The following MORC1 variants were observed in gnomAD, a reference collection of about 807,000 sequenced individuals.
MORC1 encodes the protein MORC family CW-type zinc finger protein 1.
In MORC1, 59 loss-of-function variants were observed where a neutral mutation model predicts 134.9. The observed-to-expected ratio is 0.44, with a 90% CI of 0.35 to 0.54. The LOEUF is 0.54. Ranked by LOEUF, MORC1 falls within the 20% of genes least tolerant of loss-of-function variation. The pLI, the probability that MORC1 is intolerant of heterozygous loss-of-function variation, is 0.00. For missense variants in MORC1, 947 were observed against 1,134.5 expected, an observed-to-expected ratio of 0.83 and a Z score of 2.37; for synonymous variants, 395 against 391.7, an observed-to-expected ratio of 1.01 and a Z score of -0.10.
Position 109,069,677 on chromosome 3 carries a change from T to G in MORC1, c.770A>C (p.Lys257Thr). 1 of 1,612,880 alleles carries G rather than the reference T, an allele frequency of 6.2e-7. No individual in the cohort carries two copies. ...GCAAAGATGTTTAGTTTTAACTCTC[T>G]TGGCTTGAATGAATATTCTCATCCA... ...NPWMRIFIQA[K>T]RVKTKHLCYC... Residue 257 changes from lysine (K) to threonine (T), a missense_variant, in exon 9 of 28, where the codon AAG becomes ACG. Around this residue, in one of 3 missense-constraint regions of MORC1, gnomAD observed 11 missense variants for 36.2 expected, o/e 0.30. Coordinates refer to ENST00000232603, the MANE Select transcript of MORC1 (RefSeq NM_014429.4).
intron 13 of MORC1, among the ~76,000 whole-genome samples, chr3:109,055,104 A>G (rs1036275728): frequency 5.3e-5 from 8 of 152,192 alleles, no homozygotes; most frequent in Non-Finnish European, 8.8e-5. Context: ...GCACAATGTT[A>G]CAGAGTTAAT....
chr3:109,050,127 G>A (rs1949787045), intron 14 of MORC1, among the ~76,000 whole-genome samples: 1 of 152,100 alleles, frequency 6.6e-6, no homozygotes, highest in Non-Finnish European at 1.5e-5. Flanking sequence ...ACTTCCTCAG[G>A]GAGGCCTTCC....
chr3:108,978,058 T>C lies in MORC1; in HGVS notation c.2477+1457A>G, dbSNP rs968821843. Among the ~76,000 whole-genome samples, 5 of 152,266 alleles carry C rather than the reference T, an allele frequency of 3.3e-5. No homozygotes were observed. The East Asian group carries it at 9.7e-4, about 30-fold the overall frequency. ...CTGACTGGCTAATTTTTTGTATTTT[T>C]AGTAGAGATGGGGTTTCACCGTGTT... On this transcript the variant is annotated intron_variant, in intron 24 of 27. Coordinates refer to ENST00000232603, the MANE Select transcript of MORC1 (RefSeq NM_014429.4).
At chr3:109,004,768 C>G (rs571582466) in intron 20 of MORC1, 49 bp downstream of exon 20, 1 of 1,525,152 alleles carries the variant, frequency 6.6e-7, no homozygotes, top group African/African-American at 1.4e-5. Flanking sequence ...AAGGTTTATC[C>G]TATATGAATA....
chr3:109,059,786 CA>C lies in MORC1; in HGVS notation c.1031+19del. ...ACAGAGTACAGAGGATTCCTGCAAA[CA>C]GAAAACCTTGTGTCTTACCTTTGTT... On this transcript the variant is annotated intron_variant, in intron 12 of 27. Coordinates refer to ENST00000232603, the MANE Select transcript of MORC1 (RefSeq NM_014429.4). The C allele has an allele frequency of 1.2e-6, 2 of 1,605,750 alleles. No homozygotes were observed. The highest frequency in any genetic ancestry group is 1.7e-6 in the Non-Finnish European group (2 of 1,174,994).
chr3:109,108,658 G>C (rs143726774), intron 3 of MORC1, among the ~76,000 whole-genome samples: 1 of 152,122 alleles, frequency 6.6e-6, no homozygotes, highest in Non-Finnish European at 1.5e-5. Flanking sequence ...AGCACTTTGC[G>C]AGGCCGAGGC....
At chr3:109,062,350 T>A (rs1950102343) in intron 10 of MORC1, among the ~76,000 whole-genome samples, 1 of 152,096 alleles carries the variant, frequency 6.6e-6, no homozygotes, top group African/African-American at 2.4e-5. Flanking sequence ...ATAGAGCTAC[T>A]ACTCACTCCC....
intron 17 of MORC1, among the ~76,000 whole-genome samples, chr3:109,021,956 G>A (rs1419657910): frequency 6.6e-6 from 1 of 152,186 alleles, no homozygotes; most frequent in African/African-American, 2.4e-5. Flanking sequence ...AAGGCAATTT[G>A]TTTAATGTCT....
chr3:109,037,040 A>G (rs553381647), intron 14 of MORC1, among the ~76,000 whole-genome samples: 1 of 152,340 alleles, frequency 6.6e-6, no homozygotes, highest in African/African-American at 2.4e-5. Flanking sequence ...ACCCTTGACC[A>G]TAAAACCTGG....
chr3:108,993,317 A>C (rs1015740814), intron 21 of MORC1, among the ~76,000 whole-genome samples: 1 of 152,202 alleles, frequency 6.6e-6, no homozygotes, highest in Non-Finnish European at 1.5e-5. Context: ...AGACTTTAGC[A>C]CTTGAATATT....
At chr3:109,055,436 G>A (rs1393295286) in intron 13 of MORC1, among the ~76,000 whole-genome samples, 2 of 152,156 alleles carry the variant, frequency 1.3e-5, no homozygotes, top group Admixed American at 6.5e-5. Context: ...TAAGCCTTTA[G>A]GGCTCCCCAC....
At chr3:108,962,976 C>T (rs972807624) in intron 27 of MORC1, among the ~76,000 whole-genome samples, 2 of 152,052 alleles carry the variant, frequency 1.3e-5, no homozygotes, top group African/African-American at 4.8e-5. Context: ...CTACTGGTCA[C>T]ATGTTATTAA....
chr3:109,063,141 T>C lies in MORC1; in HGVS notation c.895+11A>G. On this transcript the variant is annotated intron_variant, in intron 10 of 27. Transcript: ENST00000232603. Reference sequence around the variant, plus strand: ...GAACAACAATGATGTAGGCTACAGGTAATCGCATACCAATCTTTACTGCTT... The same window carrying C: ...GAACAACAATGATGTAGGCTACAGGCAATCGCATACCAATCTTTACTGCTT... The C allele has an allele frequency of 6.4e-7, 1 of 1,570,262 alleles. No homozygotes were observed. Among genetic ancestry groups the C allele is most frequent in the Non-Finnish European group, 8.7e-7 (1 of 1,143,032 alleles).
At chr3:109,093,736 G>C (rs1950773641) in intron 7 of MORC1, among the ~76,000 whole-genome samples, 195 bp from the exon 8 acceptor site, 1 of 152,184 alleles carries the variant, frequency 6.6e-6, no homozygotes, top group South Asian at 2.1e-4. Flanking sequence ...GCCAAAGAGT[G>C]CTGAGTTTCT....
At chr3:109,001,037 T>A (rs1948389679) in intron 20 of MORC1, among the ~76,000 whole-genome samples, 2 of 152,208 alleles carry the variant, frequency 1.3e-5, no homozygotes, top group African/African-American at 4.8e-5. Flanking sequence ...TTATAAAGAA[T>A]TTCACAATCT....
At chr3:108,982,121 A>G (rs1947742249) in intron 23 of MORC1, among the ~76,000 whole-genome samples, 1 of 152,232 alleles carries the variant, frequency 6.6e-6, no homozygotes, top group Non-Finnish European at 1.5e-5. Flanking sequence ...TCAAAAGAAG[A>G]CATTTATGCA....
intron 27 of MORC1, among the ~76,000 whole-genome samples, 173 bp from the exon 28 acceptor site, chr3:108,959,293 T>C (rs531075775): frequency 2.0e-5 from 3 of 152,240 alleles, no homozygotes; most frequent in Non-Finnish European, 4.4e-5. Flanking sequence ...TGTCATTTTA[T>C]GCTAACAAGC....
chr3:109,049,033 A>G, intron 14 of MORC1: 1 of 612,792 alleles, frequency 1.6e-6, no homozygotes, highest in Non-Finnish European at 2.0e-6. Context: ...CTTTAACTTC[A>G]AAAACTGAAT....
intron 14 of MORC1, among the ~76,000 whole-genome samples, chr3:109,038,287 G>GTTT (rs137911536): frequency 6.8e-6 from 1 of 146,702 alleles, no homozygotes. Flanking sequence ...TGTTGATGGG[G>GTTT]TTTTTTTTTT....
Sources: gnomAD v4.1 joint callset for allele counts (sites outside exome capture counted in the v4.1 genomes callset) on GRCh38, gnomAD v4.1.1 for gene constraint, gnomAD v4.1.1 regional missense constraint, MANE v1.5 for transcripts, NCBI Gene and HGNC (gene_info 2026-07-23, HGNC 2026-07-21) for gene names.